Variants in OR51B5 observed in about 807,000 individuals in gnomAD.
OR51B5 encodes the protein olfactory receptor family 51 subfamily B member 5.
For synonymous variants in OR51B5, 186 were observed against 144.8 expected, an observed-to-expected ratio of 1.28 and a Z score of -2.04; for missense variants, 456 against 374.6, an observed-to-expected ratio of 1.22 and a Z score of -1.79.
chr11:5,413,088 C>T (rs942048932), intron 1 of OR51B5, among the ~76,000 whole-genome samples: 1 of 152,206 alleles, frequency 6.6e-6, no homozygotes, highest in African/African-American at 2.4e-5. Flanking sequence ...TGAGACAAAA[C>T]TTCCAGAGGA....
At chr11:5,457,312 T>C (rs1249143699) in intron 1 of OR51B5, among the ~76,000 whole-genome samples, 1 of 152,206 alleles carries the variant, frequency 6.6e-6, no homozygotes, top group Non-Finnish European at 1.5e-5. Flanking sequence ...GGACATGATT[T>C]TGTTCTTTTT....
At chr11:5,408,732 A>T (rs1007591664) in intron 1 of OR51B5, among the ~76,000 whole-genome samples, 1 of 151,962 alleles carries the variant, frequency 6.6e-6, no homozygotes. Flanking sequence ...AACACCAAGC[A>T]CTCCCCCTCA....
At chr11:5,367,430 C>T (rs1000808261) in intron 1 of OR51B5, among the ~76,000 whole-genome samples, 4 of 152,162 alleles carry the variant, frequency 2.6e-5, no homozygotes, top group African/African-American at 9.7e-5. Context: ...ATATGCTAAA[C>T]AAGGGGTGGA....
chr11:5,453,699 GTGGCCATATCCA>G (rs1264694208), intron 1 of OR51B5: 1 of 1,613,670 alleles, frequency 6.2e-7, no homozygotes, highest in East Asian at 2.2e-5. Flanking sequence ...CTTCAGTGAT[GTGGCCATATCCA>G]TGGCCACACT....
chr11:5,433,091 T>C (rs952300496), intron 1 of OR51B5, among the ~76,000 whole-genome samples: 1 of 152,186 alleles, frequency 6.6e-6, no homozygotes, highest in Non-Finnish European at 1.5e-5. Context: ...AAAATTATGC[T>C]AATACACAAG....
intron 1 of OR51B5, chr11:5,468,464 T>C: frequency 3.0e-6 from 1 of 336,346 alleles, no homozygotes; most frequent in South Asian, 2.3e-5. Flanking sequence ...ACTCTAAGCC[T>C]TTCCAGGACA....
At chr11:5,344,045 G>GAGAAACTCTGCCACTACCACTGTAGCTA (rs1387846368), upstream of OR51B5, among the ~76,000 whole-genome samples, 1 of 152,208 alleles carries the variant, frequency 6.6e-6, no homozygotes. Flanking sequence ...AGTGTGGGAA[G>GAGAAACTCTGCCACTACCACTGTAGCTA]AGAAACTCTG....
At chr11:5,491,053 A>G (rs1003919032) in intron 1 of OR51B5, among the ~76,000 whole-genome samples, 2 of 152,250 alleles carry the variant, frequency 1.3e-5, no homozygotes, top group Admixed American at 6.5e-5. Context: ...ATTAATAAGC[A>G]CTCAAAATAT....
intron 1 of OR51B5, among the ~76,000 whole-genome samples, chr11:5,366,207 G>A (rs936776783): frequency 4.6e-5 from 7 of 152,088 alleles, no homozygotes; most frequent in Non-Finnish European, 7.4e-5. Context: ...GAGGGAAACA[G>A]GAAGGAAAAT....
At chr11:5,444,943 CCATAGCT>C (rs1195948009) in intron 1 of OR51B5, among the ~76,000 whole-genome samples, 4 of 152,232 alleles carry the variant, frequency 2.6e-5, no homozygotes, top group Admixed American at 1.3e-4. Context: ...ACATAAATAG[CCATAGCT>C]CTCCTGAGAC....
At chr11:5,474,667 C>T (rs1323197433) in intron 1 of OR51B5, among the ~76,000 whole-genome samples, 2 of 152,096 alleles carry the variant, frequency 1.3e-5, no homozygotes, top group Non-Finnish European at 2.9e-5. Context: ...TAATTTGTGC[C>T]AATGCAATAA....
chr11:5,467,370 T>C lies in OR51B5; in HGVS notation n.84+38199A>G, dbSNP rs116667335. 7.8e-3 allele frequency among the ~76,000 whole-genome samples: 1,186 copies of C among 152,356 alleles called. 21 individuals carry two copies. The highest frequency in any genetic ancestry group is 0.027 in the African/African-American group (1,142 of 41,580). ...CTATGTTTAGTAAATGATCATGTTA[T>C]TTGATCCCTATGGCTTTATTTTAAA... On this transcript the variant is annotated intron_variant and non_coding_transcript_variant, in intron 1 of 4. Coordinates refer to the OR51B5 transcript ENST00000415970.
At chr11:5,464,378 G>A (rs937007361) in intron 1 of OR51B5, among the ~76,000 whole-genome samples, 27 of 151,824 alleles carry the variant, frequency 1.8e-4, no homozygotes, top group Non-Finnish European at 2.8e-4. Flanking sequence ...ATGCTGGTGC[G>A]CTGCACCCAC....
intron 1 of OR51B5, among the ~76,000 whole-genome samples, chr11:5,389,068 G>A (rs1441504373): frequency 6.6e-6 from 1 of 152,130 alleles, no homozygotes; most frequent in East Asian, 1.9e-4. Context: ...TGAAATCATG[G>A]TAGTGGATGA....
At position 5,412,185 on chromosome 11, in the gene OR51B5, C is replaced by A. The variant is rs562160936; in HGVS notation, n.85-65275G>T. 4.7e-4 allele frequency among the ~76,000 whole-genome samples: 72 copies of A among 152,278 alleles called. 3 individuals carry two copies. The South Asian group carries it at 0.014, about 29-fold the overall frequency. On this transcript the variant is annotated intron_variant and non_coding_transcript_variant, in intron 1 of 4. Transcript: ENST00000415970. The stretch of plus-strand genomic sequence containing the variant: ...GATCTTTACAGATATGGTAGTCCTT[C>A]TGATATGCAAATCATTTGCCAGAAT...
intron 1 of OR51B5, among the ~76,000 whole-genome samples, chr11:5,478,253 T>C (rs1164006045): frequency 1.3e-5 from 2 of 152,148 alleles, no homozygotes; most frequent in East Asian, 1.9e-4. Context: ...AGGGGCATAC[T>C]GACACCTCAC....
intron 1 of OR51B5, among the ~76,000 whole-genome samples, chr11:5,429,842 AAAG>A (rs1390338766): frequency 5.9e-5 from 9 of 152,228 alleles, no homozygotes; most frequent in Non-Finnish European, 1.0e-4. Flanking sequence ...GGATTCTACT[AAAG>A]AAGAATTTGC....
intron 1 of OR51B5, among the ~76,000 whole-genome samples, chr11:5,423,600 T>A (rs909825186): frequency 3.3e-5 from 5 of 152,270 alleles, no homozygotes; most frequent in African/African-American, 9.6e-5. Context: ...CACGGGTGAT[T>A]GGACTTTCCT....
At chr11:5,469,551 C>T (rs1396646876) in intron 1 of OR51B5, 1 of 135,960 alleles carries the variant, frequency 7.4e-6, no homozygotes, top group Non-Finnish European at 1.6e-5. Flanking sequence ...ATTCCAGTGC[C>T]AAAGATTTGG....
Sources: gnomAD v4.1 joint callset for allele counts (sites outside exome capture counted in the v4.1 genomes callset) on GRCh38, gnomAD v4.1.1 for gene constraint, MANE v1.5 for transcripts, NCBI Gene and HGNC (gene_info 2026-07-23, HGNC 2026-07-21) for gene names.